C14orf39: variants seen among roughly 807,000 people sequenced by gnomAD.
C14orf39 encodes the protein chromosome 14 open reading frame 39.
In C14orf39, 66 loss-of-function variants were observed where a neutral mutation model predicts 85.6. The ratio of observed to expected loss-of-function variants is 0.77; its 90% CI spans 0.63 to 0.95. C14orf39 has a LOEUF of 0.95. Among genes scored for constraint, C14orf39 ranks in the 40% least tolerant of loss-of-function variants. The pLI is 0.00. For missense variants in C14orf39, 735 were observed against 663.9 expected (o/e 1.11, Z -1.18); for synonymous variants, 242 against 214.0 (o/e 1.13, Z -1.14).
chr14:60,508,897 G>C, intron 1 of C14orf39: 1 of 174,908 alleles, frequency 5.7e-6, no homozygotes, highest in Non-Finnish European at 1.2e-5. Context: ...GTAGAGCGGG[G>C]TGGGGGAGGG....
At chr14:60,450,640 T>A (rs1890987745) in intron 16 of C14orf39, among the ~76,000 whole-genome samples, 1 of 152,162 alleles carries the variant, frequency 6.6e-6, no homozygotes, top group Admixed American at 6.5e-5. Context: ...CACCTGCTGA[T>A]CACAGAGCTT....
rs1371255288 is a variant in C14orf39 at position 60,457,062 on chromosome 14, C to G, written c.1213G>C (p.Glu405Gln). The change falls in exon 15 of 18, where the codon GAA (glutamate) becomes CAA (glutamine). Residue 405 changes from glutamate to glutamine, a missense_variant. Transcript: ENST00000321731. ...TCTTCTACTTCATCACTATCATTTT[C>G]TACTGACTTCCCAAAATGTTCAGTA... ...IYTEHFGKSV[E>Q]NDSDEVEERA... 1.2e-6 allele frequency: 2 copies of G among 1,603,082 alleles called. No individual in the cohort carries two copies. The highest frequency in any genetic ancestry group is 2.2e-5 in the East Asian group (1 of 44,608).
chr14:60,469,622 G>A lies in C14orf39; in HGVS notation c.586C>T (p.Leu196Phe). 1 of 1,486,028 alleles carries A rather than the reference G, an allele frequency of 6.7e-7. No individual in the cohort carries two copies. Among genetic ancestry groups the A allele is most frequent in the African/African-American group, 1.4e-5 (1 of 71,238 alleles). The allele number at this position is 1,486,028 out of a possible 1,614,324, so 92.1% of individuals were successfully genotyped here. Reference sequence around the variant, plus strand: ...TTGGTAAGATTGCTGGCATGTTTAAGAATATCTTGTGTTTCACATCTCAAA... The same window carrying A: ...TTGGTAAGATTGCTGGCATGTTTAAAAATATCTTGTGTTTCACATCTCAAA... ...VNLRCETQDI[L>F]KHASNLTKSS... The change falls in exon 8 of 18, where the codon CTT becomes TTT. Residue 196 changes from leucine to phenylalanine, a missense_variant. Coordinates refer to ENST00000321731, the MANE Select transcript of C14orf39 (RefSeq NM_174978.3).
chr14:60,477,115 C>T (rs571242409), intron 5 of C14orf39, among the ~76,000 whole-genome samples: 1 of 152,152 alleles, frequency 6.6e-6, no homozygotes, highest in South Asian at 2.1e-4. Flanking sequence ...ATCTAAAATT[C>T]TTTTTTAAAT....
In C14orf39 at chr14:60,436,933, A is replaced by G. The variant is rs141929511; in HGVS notation, c.1676T>C (p.Phe559Ser). The G allele has an allele frequency of 6.2e-6, 10 of 1,612,788 alleles. No homozygotes were observed. The African/African-American group carries it at 8.0e-5, about 13-fold the overall frequency. The change falls in exon 18 of 18, where the codon TTT (phenylalanine) becomes TCT (serine). Residue 559 changes from phenylalanine (F) to serine (S), a missense_variant. Coordinates refer to ENST00000321731, the MANE Select transcript of C14orf39 (RefSeq NM_174978.3). ...GKDDFSFPFS[F>S]GQGQNSIPSS... ...AGGTATTGAATTTTGACCCTGTCCA[A>G]ATGAAAATGGAAAACTAAAATCATC... is the stretch of plus-strand genomic sequence containing the variant.
At chr14:60,472,739 AT>A (rs969310930) in intron 5 of C14orf39, among the ~76,000 whole-genome samples, 4 of 152,068 alleles carry the variant, frequency 2.6e-5, no homozygotes, top group African/African-American at 7.2e-5. Flanking sequence ...TGAACTCATC[AT>A]TTTTTATGGC....
chr14:60,465,180 C>G (rs977737920), intron 11 of C14orf39, among the ~76,000 whole-genome samples: 5 of 152,082 alleles, frequency 3.3e-5, no homozygotes, highest in African/African-American at 1.2e-4. Flanking sequence ...TTGACATCAT[C>G]TGGAATTTCA....
At position 60,485,015 on chromosome 14, in the gene C14orf39, T is replaced by C. The variant is rs746520535; in HGVS notation, c.49+15A>G. ...ATCATACAAAAAGCTACCTATTTTT[T>C]CACTTTATACCTACCAAATTCTAGC... On this transcript the variant is annotated intron_variant, in intron 2 of 17. Transcript: ENST00000321731. The C allele has an allele frequency of 2.5e-6, 4 of 1,596,822 alleles. No homozygotes were observed. The highest frequency in any genetic ancestry group is 3.4e-6 in the Non-Finnish European group (4 of 1,175,856).
intron 16 of C14orf39, among the ~76,000 whole-genome samples, chr14:60,453,203 T>C (rs1386098694): frequency 1.3e-5 from 2 of 152,102 alleles, no homozygotes; most frequent in Admixed American, 1.3e-4. Flanking sequence ...CTCTCTTTAA[T>C]TCTGTTACAT....
chr14:60,501,798 C>T (rs1445243050), intron 1 of C14orf39, among the ~76,000 whole-genome samples: 1 of 152,038 alleles, frequency 6.6e-6, no homozygotes, highest in Non-Finnish European at 1.5e-5. Flanking sequence ...GATTATGAGA[C>T]CCAGGACAAG....
At chr14:60,510,271 C>T (rs1287292538) in intron 1 of C14orf39, among the ~76,000 whole-genome samples, 3 of 152,184 alleles carry the variant, frequency 2.0e-5, no homozygotes, top group African/African-American at 7.2e-5. Flanking sequence ...ATCCTACAAA[C>T]AGTTAGGGAC....
upstream of C14orf39, among the ~76,000 whole-genome samples, chr14:60,486,741 C>A (rs1393376337): frequency 6.6e-6 from 1 of 152,086 alleles, no homozygotes; most frequent in African/African-American, 2.4e-5. Context: ...CTCAAGTCAC[C>A]AAAACCTAAG....
chr14:60,478,604 T>G (rs1892503086), intron 4 of C14orf39, among the ~76,000 whole-genome samples: 1 of 152,192 alleles, frequency 6.6e-6, no homozygotes, highest in Non-Finnish European at 1.5e-5. Flanking sequence ...CATGAATTTT[T>G]ATATTAAACT....
Position 60,437,084 on chromosome 14 carries a change from T to C in C14orf39, c.1562-37A>G, listed in dbSNP as rs1229417841. ...AAACATTACAATATCATGCTCTTCATATTATATAAAATTTTTATAACCTAC... is the reference window on the plus strand; with the variant it reads ...AAACATTACAATATCATGCTCTTCACATTATATAAAATTTTTATAACCTAC... On this transcript the variant is annotated intron_variant, in intron 17 of 17. Transcript: ENST00000321731. The C allele has an allele frequency of 2.8e-6, 4 of 1,409,100 alleles. No homozygotes were observed. The Admixed American group carries it at 8.8e-5, about 31-fold the overall frequency. The allele number at this position is 1,409,100 out of a possible 1,614,324, so 87.3% of individuals were successfully genotyped here.
chr14:60,461,325 CT>C, intron 13 of C14orf39, 28 bp downstream of exon 13: 1 of 1,588,950 alleles, frequency 6.3e-7, no homozygotes, highest in Non-Finnish European at 8.6e-7. Context: ...ACCCCGACTT[CT>C]TAGAAGAAAA....
chr14:60,485,423 A>ATG (rs1892838238), intron 1 of C14orf39, among the ~76,000 whole-genome samples: 1 of 152,216 alleles, frequency 6.6e-6, no homozygotes, highest in Admixed American at 6.5e-5. Flanking sequence ...TCCACAGGAT[A>ATG]TGCCCTTTAA....
At chr14:60,463,542 T>C (rs1468001955) in intron 11 of C14orf39, among the ~76,000 whole-genome samples, 1 of 150,516 alleles carries the variant, frequency 6.6e-6, no homozygotes, top group African/African-American at 2.4e-5. Flanking sequence ...CACAACCTTA[T>C]GATATACTAA....
intron 2 of C14orf39, among the ~76,000 whole-genome samples, chr14:60,492,906 T>C (rs1893012227): frequency 1.3e-5 from 2 of 152,226 alleles, no homozygotes; most frequent in Non-Finnish European, 2.9e-5. Flanking sequence ...TTACATGGCA[T>C]CAGTCTCACT....
chr14:60,503,925 T>A (rs1893174704), intron 1 of C14orf39, among the ~76,000 whole-genome samples: 1 of 152,174 alleles, frequency 6.6e-6, no homozygotes, highest in Admixed American at 6.5e-5. Flanking sequence ...GCCTTGTTGA[T>A]CATTTGGGGC....
Sources: allele counts gnomAD v4.1 joint callset (sites outside exome capture counted in the v4.1 genomes callset), GRCh38; gene constraint gnomAD v4.1.1; transcripts MANE v1.5; gene names NCBI Gene and HGNC (gene_info 2026-07-23, HGNC 2026-07-21).